The following IKZF4 variants were observed in gnomAD, a reference collection of about 807,000 sequenced individuals.
IKZF4 encodes the protein IKAROS family zinc finger 4.
In IKZF4, 11 loss-of-function variants were observed where a neutral mutation model predicts 47.7. That is an observed-to-expected ratio of 0.23 (90% CI 0.15 to 0.38). The LOEUF is 0.38. IKZF4 is among the 10% of genes least tolerant of loss of function. The probability of loss-of-function intolerance (pLI) is 1.00; values close to 1 mark genes in which losing one functional copy is unlikely to be tolerated. For missense variants in IKZF4, 557 were observed against 784.9 expected (o/e 0.71, Z 3.47); for synonymous variants, 298 against 299.4 (o/e 1.00, Z 0.05).
Position 56,034,858 on chromosome 12 carries a change from G to A in IKZF4, c.1285G>A (p.Ala429Thr). Reference sequence around the variant, plus strand: ...AGCAGGTGAGGGACCTGAGGACCTGGCTGATGGAGGTCCCCTCCTCTACCG... The same window carrying A: ...AGCAGGTGAGGGACCTGAGGACCTGACTGATGGAGGTCCCCTCCTCTACCG... ...REAGEGPEDL[A>T]DGGPLLYRPR... Residue 429 changes from alanine to threonine, a missense_variant, in exon 8 of 8, where the codon GCT (alanine) becomes ACT (threonine). Ala to Thr is a moderately conservative substitution (Grantham distance 58). Coordinates refer to ENST00000547167, the MANE Select transcript of IKZF4 (RefSeq NM_022465.4). 6.2e-7 allele frequency: 1 copy of A among 1,612,880 alleles called. No individual in the cohort carries two copies. Among genetic ancestry groups the A allele is most frequent in the Non-Finnish European group, 8.5e-7 (1 of 1,179,384 alleles).
chr12:56,023,154 G>A (rs1358171829), intron 1 of IKZF4, among the ~76,000 whole-genome samples: 1 of 152,108 alleles, frequency 6.6e-6, no homozygotes, highest in African/African-American at 2.4e-5. Context: ...ATAGCAAGTC[G>A]CTGGCCTCAA....
chr12:56,033,404 G>A (rs1409661654), intron 7 of IKZF4, 83 bp downstream of exon 7: 1 of 1,571,778 alleles, frequency 6.4e-7, no homozygotes, highest in African/African-American at 1.4e-5. Flanking sequence ...GATTCGGTTT[G>A]GGGAAAGAAA....
At chr12:56,032,329 C>A in intron 5 of IKZF4, 1 of 484,372 alleles carries the variant, frequency 2.1e-6, no homozygotes, top group East Asian at 3.9e-5. Context: ...TCTGAAGCCA[C>A]ATGCCCTAGG....
chr12:56,032,431 A>C, intron 5 of IKZF4, 130 bp from the exon 6 acceptor site: 1 of 890,816 alleles, frequency 1.1e-6, no homozygotes. Flanking sequence ...AATGAAAGAC[A>C]AGTAGAAGAA....
intron 2 of IKZF4, 143 bp downstream of exon 2, chr12:56,023,907 C>T: frequency 1.4e-6 from 2 of 1,475,498 alleles, no homozygotes; most frequent in Non-Finnish European, 1.8e-6. Flanking sequence ...TGCACACATC[C>T]ATGCATGTTC....
In IKZF4 at chr12:56,021,099, G is replaced by T; in HGVS notation, c.-395G>T. On this transcript the variant is annotated 5_prime_UTR_variant, in exon 1 of 8. Transcript: ENST00000547167. ...CAGTTCCTCTTTGTCTGCTGGGCAC[G>T]AGGGGCAACAGCATCTGCCTTTCCC... 7.5e-7 allele frequency: 1 copy of T among 1,335,402 alleles called. No individual in the cohort carries two copies. Among genetic ancestry groups the T allele is most frequent in the Non-Finnish European group, 9.6e-7 (1 of 1,042,156 alleles). The allele number at this position is 1,335,402 out of a possible 1,614,324, so 82.7% of individuals were successfully genotyped here.
chr12:56,027,730 T>G, intron 4 of IKZF4, 50 bp from the exon 5 acceptor site: 1 of 1,584,904 alleles, frequency 6.3e-7, no homozygotes, highest in Non-Finnish European at 8.6e-7. Flanking sequence ...AGGTTCAACC[T>G]TCAAAGTTCC....
chr12:56,033,105 CT>C, intron 6 of IKZF4, 84 bp from the exon 7 acceptor site: 1 of 1,534,230 alleles, frequency 6.5e-7, no homozygotes. Flanking sequence ...GGCTACTGAC[CT>C]GCTGGTTTTC....
intron 7 of IKZF4, among the ~76,000 whole-genome samples, chr12:56,033,552 A>G (rs186248460): frequency 6.6e-6 from 1 of 152,044 alleles, no homozygotes; most frequent in Admixed American, 6.5e-5. Flanking sequence ...CTAAAAATAC[A>G]AAAAATTAGC....
Position 56,022,797 on chromosome 12 carries a change from C to CTT in IKZF4, c.88-855_88-854dup, listed in dbSNP as rs34923817. On this transcript the variant is annotated intron_variant, in intron 1 of 7. Transcript: ENST00000547167. ...AAAGGATGCTTTTCCCTCAGTGTTT[C>CTT]TTTTTTTTTTTTTTTTTTTTGAGAC... 1.3e-3 allele frequency among the ~76,000 whole-genome samples: 168 copies of CTT among 126,290 alleles called. 1 individual carries two copies. Among genetic ancestry groups the CTT allele is most frequent in the African/African-American group, 2.1e-3 (72 of 33,564 alleles). 82.9% of individuals were successfully genotyped at this position (126,290 alleles called of 152,430 possible).
chr12:56,008,342 G>A (rs1419551789), intron 1 of IKZF4, among the ~76,000 whole-genome samples: 1 of 152,054 alleles, frequency 6.6e-6, no homozygotes, highest in Non-Finnish European at 1.5e-5. Flanking sequence ...AGAAAGAAAT[G>A]CAACAGAGGA....
Position 56,035,037 on chromosome 12 carries a change from C to A in IKZF4, c.1464C>A (p.Gly488=). 6.4e-7 allele frequency: 1 copy of A among 1,563,888 alleles called. No homozygotes were observed. Among genetic ancestry groups the A allele is most frequent in the East Asian group, 2.2e-5 (1 of 44,484 alleles). Residue 488 remains glycine, a synonymous_variant, in exon 8 of 8, where the codon GGC becomes GGA. Transcript: ENST00000547167. The surrounding 1 kb of genome is among the most constrained non-coding windows in gnomAD (Gnocchi z 6.1). ...AGCCACCTCCCACCATTGTGGTGGG[C>A]CGGCACAGTCCTGCCTACGCCAAAG... ...PPQPPPTIVV[G]RHSPAYAKED...
At chr12:56,007,579 G>C (rs1447761971), upstream of IKZF4, 1 of 156,566 alleles carries the variant, frequency 6.4e-6, no homozygotes, top group Non-Finnish European at 1.4e-5. Flanking sequence ...TCCTGGCTCC[G>C]GCCCGGCGAC....
upstream of IKZF4, chr12:56,018,121 A>T: frequency 7.8e-7 from 1 of 1,288,720 alleles, no homozygotes; most frequent in African/African-American, 1.5e-5. Flanking sequence ...TTTCTTTTTC[A>T]GCAGAATCTC....
At chr12:56,009,970 TG>T (rs999536100) in intron 1 of IKZF4, 1 of 140,960 alleles carries the variant, frequency 7.1e-6, no homozygotes, top group African/African-American at 2.6e-5. Flanking sequence ...CCGTACCCCC[TG>T]CCCCCCCACA....
intron 1 of IKZF4, 186 bp downstream of exon 1, chr12:56,021,766 G>A (rs973419378): frequency 1.1e-5 from 10 of 898,982 alleles, no homozygotes; most frequent in Non-Finnish European, 1.7e-5. Context: ...TATACTTGCG[G>A]AGGATGGGAA....
At chr12:56,017,482 G>A (rs988233320), upstream of IKZF4, among the ~76,000 whole-genome samples, 1 of 151,876 alleles carries the variant, frequency 6.6e-6, no homozygotes, top group East Asian at 1.9e-4. Flanking sequence ...CTTTAACTGA[G>A]GTATAGAGCC....
intron 7 of IKZF4, among the ~76,000 whole-genome samples, 193 bp downstream of exon 7, chr12:56,033,514 C>T (rs566200410): frequency 1.2e-4 from 19 of 152,158 alleles, no homozygotes; most frequent in African/African-American, 3.9e-4. Flanking sequence ...AAGACCATCC[C>T]GGTTAACACA....
upstream of IKZF4, among the ~76,000 whole-genome samples, chr12:56,019,755 C>T (rs1892603256): frequency 6.6e-6 from 1 of 152,146 alleles, no homozygotes; most frequent in South Asian, 2.1e-4. Flanking sequence ...TCTTTTCAAA[C>T]CTGTTTATGG....
Sources: gnomAD v4.1 joint callset for allele counts (sites outside exome capture counted in the v4.1 genomes callset) on GRCh38, gnomAD v4.1.1 for gene constraint, Gnocchi (gnomAD v3.1) non-coding constraint, MANE v1.5 for transcripts, NCBI Gene and HGNC (gene_info 2026-07-23, HGNC 2026-07-21) for gene names.